UGT1A8: variants seen among roughly 807,000 people sequenced by gnomAD.
The protein encoded by UGT1A8 is UDP-glucuronosyltransferase 1A8.
Under a neutral mutation model 45.3 loss-of-function variants are expected in UGT1A8, and 39 were observed. The observed-to-expected ratio is 0.86, with a 90% confidence interval of 0.67 to 1.12. The LOEUF (loss-of-function observed/expected upper bound fraction) is 1.12. Among genes scored for constraint, UGT1A8 ranks in the 50% most tolerant of loss-of-function variants. The pLI, the probability that UGT1A8 is intolerant of heterozygous loss-of-function variation, is 0.00. For synonymous variants in UGT1A8, 275 were observed against 249.2 expected, an observed-to-expected ratio of 1.10 and a Z score of -0.97; for missense variants, 719 against 664.9, an observed-to-expected ratio of 1.08 and a Z score of -0.90.
In UGT1A8 at chr2:233,769,819, C is replaced by T. The variant is rs35283790; in HGVS notation, c.1295+1380C>T. Reference sequence around the variant, plus strand: ...GCTATGAGCCGTGATCATGCCACTGCACTCCAGCAACCTGGGCAACAGAGT... The same window carrying T: ...GCTATGAGCCGTGATCATGCCACTGTACTCCAGCAACCTGGGCAACAGAGT... On this transcript the variant is annotated intron_variant, in intron 4 of 4. Transcript: ENST00000373450. This position sits in a 1 kb window ranked among gnomAD's most constrained non-coding sequence, Gnocchi z 4.4. The T allele has an allele frequency of 0.018, 15,000 of 840,188 alleles. 224 individuals carry two copies. Among genetic ancestry groups the T allele is most frequent in the Admixed American group, 0.067 (1,978 of 29,358 alleles). The allele number at this position is 840,188 out of a possible 1,614,324, so 52.0% of individuals were successfully genotyped here.
chr2:233,750,239 C>A (rs1187783492), intron 1 of UGT1A8, among the ~76,000 whole-genome samples: 6 of 151,854 alleles, frequency 4.0e-5, no homozygotes, highest in African/African-American at 1.2e-4. Context: ...TTATTGGGAA[C>A]TGGAACAAAG....
intron 1 of UGT1A8, among the ~76,000 whole-genome samples, chr2:233,723,516 C>CT (rs1162916866): frequency 0.039 from 3,331 of 85,338 alleles, 215 homozygotes; most frequent in African/African-American, 0.13. Flanking sequence ...GGTCAACAAT[C>CT]TTTTTTTTTT....
chr2:233,743,460 A>AC, intron 1 of UGT1A8: 1 of 1,365,926 alleles, frequency 7.3e-7, no homozygotes. Context: ...AAGAAAAAAC[A>AC]CCCCCAAAAG....
intron 1 of UGT1A8, among the ~76,000 whole-genome samples, chr2:233,706,841 A>G (rs1197973943): frequency 6.6e-6 from 1 of 152,232 alleles, no homozygotes; most frequent in East Asian, 1.9e-4. Flanking sequence ...TAAACACCTC[A>G]GCAGTCTTTA....
At chr2:233,645,043 C>A (rs1186121228) in intron 1 of UGT1A8, among the ~76,000 whole-genome samples, 1 of 152,054 alleles carries the variant, frequency 6.6e-6, no homozygotes, top group African/African-American at 2.4e-5. Flanking sequence ...CACTTTGACA[C>A]CTTTAGGGTT....
chr2:233,718,923 C>G, intron 1 of UGT1A8: 1 of 1,614,082 alleles, frequency 6.2e-7, no homozygotes, highest in Admixed American at 1.7e-5. Context: ...GTTGGTGGTG[C>G]CCACTGATGG....
At chr2:233,620,140 GA>G (rs1484886759) in intron 1 of UGT1A8, among the ~76,000 whole-genome samples, 3 of 152,138 alleles carry the variant, frequency 2.0e-5, no homozygotes, top group African/African-American at 7.2e-5. Flanking sequence ...GATGGTTGGT[GA>G]AAGAGTGACC....
At chr2:233,649,017 A>G in intron 1 of UGT1A8, 3 of 1,311,670 alleles carry the variant, frequency 2.3e-6, no homozygotes, top group South Asian at 1.5e-5. Flanking sequence ...AGGGAAAGCC[A>G]GTGCCTATGG....
At chr2:233,671,877 C>G in intron 1 of UGT1A8, 5 of 1,532,794 alleles carry the variant, frequency 3.3e-6, no homozygotes, top group Non-Finnish European at 4.4e-6. Context: ...ATTTCTCCCA[C>G]CTACTGTATC....
intron 1 of UGT1A8, among the ~76,000 whole-genome samples, chr2:233,716,212 C>A (rs1384264157): frequency 6.6e-6 from 1 of 152,184 alleles, no homozygotes; most frequent in African/African-American, 2.4e-5. Flanking sequence ...CTTTCACTTG[C>A]AAGAGCCCTT....
At chr2:233,726,665 C>A (rs560065117) in intron 1 of UGT1A8, among the ~76,000 whole-genome samples, 2 of 152,280 alleles carry the variant, frequency 1.3e-5, no homozygotes, top group East Asian at 3.9e-4. Flanking sequence ...TTAATCATAT[C>A]TGTGAAGTCT....
chr2:233,625,363 C>G (rs565762971), intron 1 of UGT1A8, among the ~76,000 whole-genome samples: 24 of 152,150 alleles, frequency 1.6e-4, no homozygotes, highest in African/African-American at 5.8e-4. Context: ...ATTAGATCAT[C>G]CCCTGTGGGA....
intron 1 of UGT1A8, chr2:233,741,678 G>T (rs1691739427): frequency 1.3e-5 from 2 of 151,908 alleles, no homozygotes; most frequent in African/African-American, 4.9e-5. Context: ...TTTATTGCTT[G>T]GGTGCCATTA....
At chr2:233,702,416 C>A (rs186724566) in intron 1 of UGT1A8, among the ~76,000 whole-genome samples, 2 of 152,028 alleles carry the variant, frequency 1.3e-5, no homozygotes, top group African/African-American at 4.8e-5. Context: ...ATAGAGATAG[C>A]GTTACTTCTT....
intron 1 of UGT1A8, among the ~76,000 whole-genome samples, chr2:233,694,123 T>TA: frequency 6.6e-6 from 1 of 152,238 alleles, no homozygotes; most frequent in East Asian, 1.9e-4. Flanking sequence ...GACAGTCACA[T>TA]ACTCATTGAA....
chr2:233,636,960 T>G (rs377128796), intron 1 of UGT1A8: 110 of 1,614,068 alleles, frequency 6.8e-5, no homozygotes, highest in Non-Finnish European at 8.4e-5. Context: ...ATGCAGTGTT[T>G]CTGGATCCTT....
At chr2:233,689,285 G>T (rs972583295) in intron 1 of UGT1A8, among the ~76,000 whole-genome samples, 4 of 152,140 alleles carry the variant, frequency 2.6e-5, no homozygotes, top group African/African-American at 7.2e-5. Flanking sequence ...ACTAAACTGG[G>T]GTTCACTCAC....
intron 1 of UGT1A8, chr2:233,747,317 C>G (rs1693621647): frequency 6.2e-7 from 1 of 1,603,094 alleles, no homozygotes; most frequent in African/African-American, 1.3e-5. Context: ...CTGGTGGTAC[C>G]CATTGATGGC....
chr2:233,644,743 G>A lies in UGT1A8; in HGVS notation c.855+26181G>A, dbSNP rs958864791. Among the ~76,000 whole-genome samples, 190 of 152,242 alleles carry A rather than the reference G, an allele frequency of 1.2e-3. 1 individual carries two copies. Among genetic ancestry groups the A allele is most frequent in the African/African-American group, 4.3e-3 (179 of 41,538 alleles). ...TGCCACACCGCCACTGTGGGTTCAG[G>A]GGGTTGGGTGACATAGGAGATGCAG... is the stretch of plus-strand genomic sequence containing the variant. On this transcript the variant is annotated intron_variant, in intron 1 of 4. Coordinates refer to ENST00000373450, the MANE Select transcript of UGT1A8 (RefSeq NM_019076.5).
Sources: gnomAD v4.1 joint callset for allele counts (sites outside exome capture counted in the v4.1 genomes callset) on GRCh38, gnomAD v4.1.1 for gene constraint, Gnocchi (gnomAD v3.1) non-coding constraint, MANE v1.5 for transcripts, NCBI Gene and HGNC (gene_info 2026-07-23, HGNC 2026-07-21) for gene names.